The following THSD4 variants were observed in gnomAD, a reference collection of about 807,000 sequenced individuals.
The protein encoded by THSD4 is thrombospondin type-1 domain-containing protein 4.
In THSD4, 69 loss-of-function variants were observed where a neutral mutation model predicts 119.0. The ratio of observed to expected loss-of-function variants is 0.58; its 90% CI spans 0.48 to 0.71. The LOEUF is 0.71. Among genes scored for constraint, THSD4 ranks in the 30% least tolerant of loss-of-function variants. The probability of loss-of-function intolerance (pLI) is 0.00; values close to 1 mark genes in which losing one functional copy is unlikely to be tolerated. For synonymous variants in THSD4, 524 were observed against 540.4 expected (o/e 0.97, Z 0.42); for missense variants, 1,393 against 1,391.1 (o/e 1.00, Z -0.02).
intron 8 of THSD4, among the ~76,000 whole-genome samples, chr15:71,721,188 G>A (rs900049575): frequency 6.6e-6 from 1 of 152,032 alleles, no homozygotes; most frequent in East Asian, 1.9e-4. Flanking sequence ...CCAACATGGT[G>A]AAACCCTGTC....
chr15:71,156,518 G>A (rs2141385237), intron 3 of THSD4, among the ~76,000 whole-genome samples: 1 of 152,170 alleles, frequency 6.6e-6, no homozygotes, highest in Admixed American at 6.5e-5. Flanking sequence ...ACCCACCTCG[G>A]CCTCCCAAAG....
At chr15:71,414,485 A>T (rs934474022) in intron 7 of THSD4, among the ~76,000 whole-genome samples, 3 of 152,196 alleles carry the variant, frequency 2.0e-5, no homozygotes, top group Non-Finnish European at 1.5e-5. Flanking sequence ...TGTGATATTG[A>T]TGCTGCTGGT....
At chr15:71,412,971 T>A (rs1382730264) in intron 7 of THSD4, among the ~76,000 whole-genome samples, 1 of 152,152 alleles carries the variant, frequency 6.6e-6, no homozygotes, top group African/African-American at 2.4e-5. Context: ...TTCTTTGTAT[T>A]AGGAACATTC....
In THSD4 at chr15:71,463,228, A is replaced by T. The variant is rs1467132596; in HGVS notation, c.1152+51405A>T. Among the ~76,000 whole-genome samples, 4 of 152,188 alleles carry T rather than the reference A, an allele frequency of 2.6e-5. No homozygotes were observed. In the East Asian group the frequency reaches 5.8e-4, roughly 22 times the overall value. ...GCTAACTCTTAATCTTGACTTCATC[A>T]TATTAGTTATTTCTCCCAGCGTTGT... On this transcript the variant is annotated intron_variant, in intron 7 of 17. Coordinates refer to ENST00000261862, the MANE Select transcript of THSD4 (RefSeq NM_024817.3).
chr15:71,291,272 G>A (rs1408151601), intron 6 of THSD4, among the ~76,000 whole-genome samples: 1 of 152,080 alleles, frequency 6.6e-6, no homozygotes, highest in Non-Finnish European at 1.5e-5. Context: ...CTATATATCT[G>A]TATTAGTCAG....
chr15:71,669,275 C>G (rs2051474970), intron 8 of THSD4, among the ~76,000 whole-genome samples: 1 of 152,116 alleles, frequency 6.6e-6, no homozygotes. Flanking sequence ...TTAAATTGCA[C>G]TTGTAGTTTT....
chr15:71,711,680 A>G (rs1567113508), intron 8 of THSD4, among the ~76,000 whole-genome samples: 2 of 151,662 alleles, frequency 1.3e-5, no homozygotes, highest in African/African-American at 4.8e-5. Flanking sequence ...AATGATATAT[A>G]TAAATAGATT....
chr15:71,711,746 A>G (rs893749332), intron 8 of THSD4, among the ~76,000 whole-genome samples: 13 of 152,186 alleles, frequency 8.5e-5, no homozygotes, highest in Non-Finnish European at 1.5e-4. Context: ...CAAAAGCAGG[A>G]GTGGCTATAT....
chr15:71,562,975 T>C (rs976836007), intron 7 of THSD4, among the ~76,000 whole-genome samples: 4 of 152,208 alleles, frequency 2.6e-5, no homozygotes, highest in Admixed American at 2.6e-4. Flanking sequence ...AATGCATCTC[T>C]GGTCTTTAAA....
chr15:71,709,777 C>T (rs1490155658), intron 8 of THSD4, among the ~76,000 whole-genome samples: 2 of 152,128 alleles, frequency 1.3e-5, no homozygotes, highest in African/African-American at 4.8e-5. Context: ...ATCAGAATCA[C>T]CAGGAAACTT....
intron 6 of THSD4, among the ~76,000 whole-genome samples, chr15:71,409,923 C>T (rs2046662262): frequency 6.6e-6 from 1 of 150,764 alleles, no homozygotes; most frequent in Non-Finnish European, 1.5e-5. Context: ...ACAGTGTGTA[C>T]TTATCTTGTC....
intron 7 of THSD4, among the ~76,000 whole-genome samples, chr15:71,477,180 T>C (rs1317074798): frequency 6.6e-6 from 1 of 152,214 alleles, no homozygotes; most frequent in Non-Finnish European, 1.5e-5. Flanking sequence ...CCACACGCCC[T>C]CCTTCAGACG....
chr15:71,508,264 C>T (rs755720869), intron 7 of THSD4, among the ~76,000 whole-genome samples: 22 of 152,162 alleles, frequency 1.4e-4, no homozygotes, highest in Non-Finnish European at 8.8e-5. Flanking sequence ...AGTTGGCTGC[C>T]AACTTTGAAC....
At chr15:71,229,090 C>CTG (rs2044040937) in intron 4 of THSD4, among the ~76,000 whole-genome samples, 6 of 152,214 alleles carry the variant, frequency 3.9e-5, no homozygotes. Flanking sequence ...AAAAGCTGTA[C>CTG]TGTGTTGCAG....
chr15:71,690,545 TC>T (rs2052025344), intron 8 of THSD4, among the ~76,000 whole-genome samples: 1 of 152,198 alleles, frequency 6.6e-6, no homozygotes, highest in East Asian at 1.9e-4. Context: ...CACAGCCTAC[TC>T]CCGAGAACCT....
intron 7 of THSD4, among the ~76,000 whole-genome samples, chr15:71,524,285 G>A (rs28473231): frequency 0.06 from 9,088 of 152,286 alleles, 880 homozygotes; most frequent in African/African-American, 0.21. Flanking sequence ...GAAGCCATTT[G>A]CAGGTTTGCA....
chr15:71,171,855 T>C (rs745635656), intron 3 of THSD4, among the ~76,000 whole-genome samples: 15 of 152,176 alleles, frequency 9.9e-5, no homozygotes, highest in Admixed American at 6.5e-5. Flanking sequence ...TGTTCATGAA[T>C]TGGAAGACGA....
chr15:71,402,530 T>C (rs1332920946), intron 6 of THSD4, among the ~76,000 whole-genome samples: 3 of 152,022 alleles, frequency 2.0e-5, no homozygotes, highest in African/African-American at 7.3e-5. Context: ...AGAGGGGAAG[T>C]TGGGCTGTGA....
At chr15:71,459,325 T>C (rs2140607672) in intron 7 of THSD4, among the ~76,000 whole-genome samples, 2 of 143,988 alleles carry the variant, frequency 1.4e-5, no homozygotes, top group South Asian at 4.8e-4. Flanking sequence ...TGCCCAACTA[T>C]CTCTCTCTCT....
Sources: allele counts gnomAD v4.1 joint callset (sites outside exome capture counted in the v4.1 genomes callset), GRCh38; gene constraint gnomAD v4.1.1; transcripts MANE v1.5; gene names NCBI Gene and HGNC (gene_info 2026-07-23, HGNC 2026-07-21).